TSNARE1: variants seen among roughly 807,000 people sequenced by gnomAD.
The protein encoded by TSNARE1 is t-SNARE domain-containing protein 1.
A neutral mutation model predicts 62.0 loss-of-function variants in TSNARE1; 49 were observed. That is an observed-to-expected ratio of 0.79 (90% CI 0.63 to 1.00). The LOEUF (loss-of-function observed/expected upper bound fraction) is 1.00, where lower values mean the gene tolerates loss of function less well. TSNARE1 is among the 50% of genes least tolerant of loss of function. TSNARE1 has a pLI of 0.00. For synonymous variants in TSNARE1, 328 were observed against 294.4 expected, an observed-to-expected ratio of 1.11 and a Z score of -1.17; for missense variants, 755 against 700.1, an observed-to-expected ratio of 1.08 and a Z score of -0.88.
chr8:142,306,275 T>TG (rs1826650264), intron 9 of TSNARE1, among the ~76,000 whole-genome samples: 1 of 152,094 alleles, frequency 6.6e-6, no homozygotes, highest in Non-Finnish European at 1.5e-5. Flanking sequence ...GCCTCAAACA[T>TG]GGAGGCGTGT....
At chr8:142,346,031 C>A (rs1833329239) in intron 2 of TSNARE1, 139 bp from the exon 3 acceptor site, 2 of 928,550 alleles carry the variant, frequency 2.2e-6, no homozygotes, top group Non-Finnish European at 3.2e-6. Context: ...GCCCTCCCTG[C>A]CTGCTATATC....
chr8:142,340,154 T>C (rs1177576807), intron 4 of TSNARE1, among the ~76,000 whole-genome samples: 1 of 152,042 alleles, frequency 6.6e-6, no homozygotes, highest in Non-Finnish European at 1.5e-5. Context: ...GGGGTGGTGC[T>C]CAGGCCTTGG....
chr8:142,223,178 T>C lies in TSNARE1; in HGVS notation c.*11+6295A>G, dbSNP rs927759279. On this transcript the variant is annotated intron_variant, in intron 13 of 13. Transcript: ENST00000524325. The stretch of plus-strand genomic sequence containing the variant: ...CTCATTCACTCACTCACTCAAGTAT[T>C]CACTCATTCACTCGTTCACTCACTC... Among the ~76,000 whole-genome samples, 27 of 15,008 alleles carry C rather than the reference T, an allele frequency of 1.8e-3. 6 individuals carry two copies. The highest frequency in any genetic ancestry group is 4.2e-3 in the African/African-American group (23 of 5,542). 9.8% of individuals were successfully genotyped at this position (15,008 alleles called of 152,430 possible).
intron 10 of TSNARE1, among the ~76,000 whole-genome samples, chr8:142,289,858 C>T (rs932573195): frequency 3.3e-5 from 5 of 152,184 alleles, no homozygotes; most frequent in East Asian, 1.9e-4. Flanking sequence ...GCGAGAGAGC[C>T]GGGCAGGCGC....
rs533356285 is a variant in TSNARE1 at position 142,252,040 on chromosome 8, G to A, written c.1447-22461C>T. 1.1e-4 allele frequency among the ~76,000 whole-genome samples: 14 copies of A among 124,324 alleles called. No individual in the cohort carries two copies. The East Asian group carries it at 1.3e-3, about 11-fold the overall frequency. 81.6% of individuals were successfully genotyped at this position (124,324 alleles called of 152,430 possible). ...AGGGCCCGGGCACCATGTACCCGCCGCCCACGTTCTCTATCTGCAGGGCCC... is the reference window on the plus strand; with the variant it reads ...AGGGCCCGGGCACCATGTACCCGCCACCCACGTTCTCTATCTGCAGGGCCC... On this transcript the variant is annotated intron_variant, in intron 12 of 13. Coordinates refer to ENST00000524325, the MANE Select transcript of TSNARE1 (RefSeq NM_145003.5).
rs182936762 is a variant in TSNARE1, at chr8:142,240,966, G to A, written c.1447-11387C>T. Among the ~76,000 whole-genome samples, 51 of 152,296 alleles carry A rather than the reference G, an allele frequency of 3.3e-4. 1 individual carries two copies. Among genetic ancestry groups the A allele is most frequent in the Non-Finnish European group, 5.9e-5 (4 of 68,030 alleles). On this transcript the variant is annotated intron_variant, in intron 12 of 13. Coordinates refer to ENST00000524325, the MANE Select transcript of TSNARE1 (RefSeq NM_145003.5). ...CTTCCAAGATCAGGAACAAGACAAG[G>A]GTGCCGGCTATCATCACTTCTACTC...
At chr8:142,400,231 G>A (rs1009204267) in intron 1 of TSNARE1, among the ~76,000 whole-genome samples, 1 of 150,774 alleles carries the variant, frequency 6.6e-6, no homozygotes, top group African/African-American at 2.4e-5. Flanking sequence ...ATCACCTAAA[G>A]GTCAGTAGTT....
chr8:142,348,895 G>A (rs928273425), intron 2 of TSNARE1, among the ~76,000 whole-genome samples: 1 of 152,144 alleles, frequency 6.6e-6, no homozygotes, highest in Admixed American at 6.5e-5. Context: ...ATAGTGACAC[G>A]ACGGCCCTAA....
intron 1 of TSNARE1, among the ~76,000 whole-genome samples, chr8:142,397,717 G>A (rs1331717160): frequency 6.6e-6 from 1 of 152,178 alleles, no homozygotes; most frequent in Non-Finnish European, 1.5e-5. Context: ...GAGGGCTCGA[G>A]CCTGCAGCCT....
At chr8:142,267,998 G>A (rs1000995786) in intron 12 of TSNARE1, among the ~76,000 whole-genome samples, 37 of 152,174 alleles carry the variant, frequency 2.4e-4, no homozygotes, top group African/African-American at 8.9e-4. Flanking sequence ...CCTTCCTGGC[G>A]AACCTCAGGC....
intron 4 of TSNARE1, among the ~76,000 whole-genome samples, chr8:142,339,881 C>G (rs915308797): frequency 6.6e-6 from 1 of 152,268 alleles, no homozygotes; most frequent in Non-Finnish European, 1.5e-5. Flanking sequence ...CTCTGGACAG[C>G]TGCGCCGGGG....
chr8:142,300,152 C>T (rs1825473096), intron 10 of TSNARE1: 1 of 220,380 alleles, frequency 4.5e-6, no homozygotes, highest in African/African-American at 2.3e-5. Context: ...GCTAAACAGC[C>T]TCCTGGAAGT....
chr8:142,248,891 T>C (rs1818018957), intron 12 of TSNARE1, among the ~76,000 whole-genome samples: 1 of 152,180 alleles, frequency 6.6e-6, no homozygotes, highest in African/African-American at 2.4e-5. Context: ...AGGGCCTCGC[T>C]CACAGGGCTG....
chr8:142,256,527 TCACCATCACCATCAC>T (rs200148367), intron 12 of TSNARE1, among the ~76,000 whole-genome samples: 64,467 of 135,630 alleles, frequency 0.48, 16,913 homozygotes, highest in Non-Finnish European at 0.59. Context: ...ACCACAACCA[TCACCATCACCATCAC>T]CACCATCACC....
chr8:142,318,779 G>C, intron 6 of TSNARE1, 145 bp from the exon 7 acceptor site: 1 of 660,360 alleles, frequency 1.5e-6, no homozygotes, highest in Non-Finnish European at 2.6e-6. Flanking sequence ...AGAGGGCCGA[G>C]AGACACACAG....
At chr8:142,353,195 C>G (rs998781337) in intron 2 of TSNARE1, among the ~76,000 whole-genome samples, 3 of 152,164 alleles carry the variant, frequency 2.0e-5, no homozygotes, top group African/African-American at 7.2e-5. Flanking sequence ...GTCCACCCCT[C>G]TGGGCTGGCA....
chr8:142,362,988 G>T (rs750885781), intron 1 of TSNARE1, among the ~76,000 whole-genome samples: 2 of 152,134 alleles, frequency 1.3e-5, no homozygotes, highest in Non-Finnish European at 2.9e-5. Flanking sequence ...GGACGCTCGG[G>T]TCCTGGCCCC....
At chr8:142,379,361 G>C (rs1045311661) in intron 1 of TSNARE1, among the ~76,000 whole-genome samples, 7 of 152,182 alleles carry the variant, frequency 4.6e-5, no homozygotes, top group African/African-American at 1.7e-4. Context: ...CTCTGCACTC[G>C]TGCTGCGCTC....
At chr8:142,392,762 G>A (rs569599225) in intron 1 of TSNARE1, among the ~76,000 whole-genome samples, 9 of 152,154 alleles carry the variant, frequency 5.9e-5, no homozygotes, top group South Asian at 4.2e-4. Flanking sequence ...CCAACATGGC[G>A]AAACCCCGTC....
Sources: gnomAD v4.1 joint callset for allele counts (sites outside exome capture counted in the v4.1 genomes callset) on GRCh38, gnomAD v4.1.1 for gene constraint, MANE v1.5 for transcripts, NCBI Gene and HGNC (gene_info 2026-07-23, HGNC 2026-07-21) for gene names.